Variants in REPS2 observed in about 807,000 individuals in gnomAD.
The protein encoded by REPS2 is RALBP1 associated Eps domain containing 2, also known as ralBP1-associated Eps domain-containing protein 2.
Under a neutral mutation model 53.6 loss-of-function variants are expected in REPS2, and 23 were observed. The ratio of observed to expected loss-of-function variants is 0.43; its 90% CI spans 0.31 to 0.61. The LOEUF is 0.61. Ranked by LOEUF, REPS2 falls within the 20% of genes least tolerant of loss-of-function variation. The probability of loss-of-function intolerance (pLI) is 0.11; values close to 1 mark genes in which losing one functional copy is unlikely to be tolerated. For missense variants in REPS2, 446 were observed against 534.9 expected, an observed-to-expected ratio of 0.83 and a Z score of 1.64; for synonymous variants, 238 against 218.6, an observed-to-expected ratio of 1.09 and a Z score of -0.78.
chrX:17,187,028 C>T, the REPS2 span, among the ~76,000 whole-genome samples: 1 of 111,514 alleles, frequency 9.0e-6, no homozygotes, highest in African/African-American at 3.3e-5. Flanking sequence ...GACTTTACCA[C>T]TATACAATTC....
the REPS2 span, among the ~76,000 whole-genome samples, chrX:17,182,872 A>G: frequency 3.6e-5 from 4 of 111,724 alleles, no homozygotes; most frequent in Admixed American, 9.5e-5. Flanking sequence ...CCTCATTTCA[A>G]AAAATCTGCC....
chrX:17,053,839 G>C (rs1200396905), intron 7 of REPS2, among the ~76,000 whole-genome samples: 1 of 111,829 alleles, frequency 8.9e-6, no homozygotes, highest in Non-Finnish European at 1.9e-5. Context: ...CTCACTCTGG[G>C]GAACAGCTAT....
intron 1 of REPS2, among the ~76,000 whole-genome samples, chrX:16,979,668 C>T (rs1292631230): frequency 2.7e-5 from 3 of 111,883 alleles, no homozygotes; most frequent in Non-Finnish European, 5.6e-5. Flanking sequence ...CTTATGTACT[C>T]GGTACAAAGC....
chrX:17,111,502 G>T (rs1379105534), intron 14 of REPS2, among the ~76,000 whole-genome samples: 1 of 112,344 alleles, frequency 8.9e-6, no homozygotes, highest in Non-Finnish European at 1.9e-5. Flanking sequence ...GTGTTACTTT[G>T]TTCTGTCCTA....
chrX:16,997,214 T>G (rs2061244352), intron 1 of REPS2, among the ~76,000 whole-genome samples: 1 of 112,764 alleles, frequency 8.9e-6, no homozygotes, highest in Non-Finnish European at 1.9e-5. Context: ...ATCTGAGCCG[T>G]AATTGCATTT....
intron 17 of REPS2, among the ~76,000 whole-genome samples, chrX:17,142,062 A>T (rs1200943197): frequency 3.6e-5 from 4 of 112,175 alleles, no homozygotes. Flanking sequence ...CCTGAAATAG[A>T]CCACATGAAA....
chrX:17,025,364 CAT>C (rs1268361491), intron 4 of REPS2, among the ~76,000 whole-genome samples, 179 bp downstream of exon 4: 1 of 112,107 alleles, frequency 8.9e-6, no homozygotes, highest in African/African-American at 3.2e-5. Flanking sequence ...TTGATTTAAA[CAT>C]ATTTGAGTAA....
intron 2 of REPS2, among the ~76,000 whole-genome samples, chrX:17,020,900 G>C (rs1216173933): frequency 8.9e-6 from 1 of 111,973 alleles, no homozygotes; most frequent in Non-Finnish European, 1.9e-5. Flanking sequence ...CAAAGTGCTG[G>C]AATTATAGGC....
chrX:16,951,559 A>ACACACAC (rs879259718), intron 1 of REPS2, among the ~76,000 whole-genome samples: 1,554 of 37,472 alleles, frequency 0.041, 67 homozygotes, highest in East Asian at 0.063. Flanking sequence ...ACACACACAC[A>ACACACAC]CCCCCGCTAC....
chrX:17,001,402 T>G (rs944255223), intron 1 of REPS2, among the ~76,000 whole-genome samples: 4 of 112,405 alleles, frequency 3.6e-5, no homozygotes, highest in Non-Finnish European at 7.5e-5. Flanking sequence ...CTGTGTGGTG[T>G]TCTTGCCAGA....
chrX:17,087,806 G>A (rs1225762205), intron 13 of REPS2, among the ~76,000 whole-genome samples: 1 of 110,559 alleles, frequency 9.0e-6, no homozygotes, highest in Non-Finnish European at 1.9e-5. Flanking sequence ...GTGGTGATGT[G>A]TGCCTCTAAT....
chrX:17,093,166 CTATATATATATATATATATA>C (rs58530978), intron 13 of REPS2, among the ~76,000 whole-genome samples: 6 of 39,122 alleles, frequency 1.5e-4, no homozygotes, highest in Non-Finnish European at 1.9e-4. Flanking sequence ...TGAGTTAATG[CTATATATATATATATATATA>C]TATATATATA....
At chrX:17,190,891 G>A in the REPS2 span, among the ~76,000 whole-genome samples, 1 of 111,532 alleles carries the variant, frequency 9.0e-6, no homozygotes, top group Non-Finnish European at 1.9e-5. Flanking sequence ...TAAATAAATG[G>A]TGCTGGAACA....
intron 1 of REPS2, among the ~76,000 whole-genome samples, chrX:16,968,696 C>T (rs2060822396): frequency 1.2e-5 from 1 of 86,242 alleles, no homozygotes; most frequent in African/African-American, 4.4e-5. Flanking sequence ...GGGCGGGGGG[C>T]TGACCCCCCC....
intron 1 of REPS2, among the ~76,000 whole-genome samples, chrX:16,970,144 G>A (rs962388114): frequency 9.2e-6 from 1 of 108,780 alleles, no homozygotes; most frequent in Middle Eastern, 4.8e-3. Flanking sequence ...GAACATTCTT[G>A]CAATTATTAT....
chrX:17,067,173 T>C (rs2062236311), intron 9 of REPS2, among the ~76,000 whole-genome samples: 1 of 112,080 alleles, frequency 8.9e-6, no homozygotes, highest in Non-Finnish European at 1.9e-5. Context: ...ATCTACCAAC[T>C]CACCTTTCAA....
chrX:17,107,310 C>T lies in REPS2; in HGVS notation c.1578+3531C>T, dbSNP rs1410736271. 3.6e-5 allele frequency among the ~76,000 whole-genome samples: 4 copies of T among 112,098 alleles called. No homozygotes were observed. In the Admixed American group the frequency reaches 3.8e-4, roughly 11 times the overall value. On this transcript the variant is annotated intron_variant, in intron 14 of 17. Coordinates refer to ENST00000357277, the MANE Select transcript of REPS2 (RefSeq NM_004726.3). ...TATGAAGAAACAATTCTGTTTCAGACCAGCTTGTGTTGATTGAATCTCAAG... is the reference window on the plus strand; with the variant it reads ...TATGAAGAAACAATTCTGTTTCAGATCAGCTTGTGTTGATTGAATCTCAAG...
At chrX:17,120,644 C>T (rs1359643904) in intron 14 of REPS2, among the ~76,000 whole-genome samples, 1 of 111,227 alleles carries the variant, frequency 9.0e-6, no homozygotes, top group African/African-American at 3.3e-5. Context: ...TGCAACCAGC[C>T]CAGAATGAGT....
intron 2 of REPS2, among the ~76,000 whole-genome samples, chrX:17,015,318 T>C (rs759854568): frequency 3.5e-5 from 4 of 112,889 alleles, no homozygotes; most frequent in Non-Finnish European, 5.6e-5. Context: ...TGCAACCTTA[T>C]TGATTTAGTA....
Sources: gnomAD v4.1 joint callset for allele counts (sites outside exome capture counted in the v4.1 genomes callset) on GRCh38, gnomAD v4.1.1 for gene constraint, MANE v1.5 for transcripts, NCBI Gene and HGNC (gene_info 2026-07-23, HGNC 2026-07-21) for gene names.